ETS1: variants seen among roughly 807,000 people sequenced by gnomAD.
The protein encoded by ETS1 is protein C-ets-1.
A neutral mutation model predicts 58.6 loss-of-function variants in ETS1; 15 were observed. The ratio of observed to expected loss-of-function variants is 0.26; its 90% CI spans 0.17 to 0.39. The LOEUF (loss-of-function observed/expected upper bound fraction) is 0.39, where lower values mean the gene tolerates loss of function less well. Among genes scored for constraint, ETS1 ranks in the 10% least tolerant of loss-of-function variants. The pLI is 1.00. For synonymous variants in ETS1, 214 were observed against 218.2 expected (o/e 0.98, Z 0.17); for missense variants, 417 against 610.5 (o/e 0.68, Z 3.34).
intron 8 of ETS1, among the ~76,000 whole-genome samples, chr11:128,475,728 T>A (rs1394522038): frequency 6.6e-6 from 1 of 152,086 alleles, no homozygotes; most frequent in Non-Finnish European, 1.5e-5. Context: ...GTTTTTTGTA[T>A]TTTTAGTAGA....
chr11:128,527,346 G>A (rs924200253), intron 3 of ETS1: 2 of 173,862 alleles, frequency 1.2e-5, no homozygotes, highest in African/African-American at 2.4e-5. Flanking sequence ...CAGACCAAGC[G>A]ACATTTTAAA....
intron 6 of ETS1, among the ~76,000 whole-genome samples, chr11:128,485,687 G>A (rs889156462): frequency 1.3e-5 from 2 of 152,162 alleles, no homozygotes; most frequent in African/African-American, 4.8e-5. Context: ...AGGAAATGCT[G>A]TTATCTCCAC....
intron 1 of ETS1, among the ~76,000 whole-genome samples, chr11:128,584,978 GAAA>G (rs1565420715): frequency 3.7e-4 from 3 of 8,020 alleles, no homozygotes; most frequent in African/African-American, 7.9e-4. Context: ...AAGAAAGAAA[GAAA>G]GAAAGAAAGG....
At chr11:128,527,211 G>A (rs1209679499) in intron 3 of ETS1, 2 of 298,132 alleles carry the variant, frequency 6.7e-6, no homozygotes, top group African/African-American at 4.6e-5. Context: ...AGCTTGGCAT[G>A]GGCTGTCAGG....
rs756324283 is a variant in ETS1, at chr11:128,490,590, T to C, written c.215-14A>G. On this transcript the variant is annotated splice_polypyrimidine_tract_variant and intron_variant, in intron 3 of 9. Coordinates refer to ENST00000392668, the MANE Select transcript of ETS1 (RefSeq NM_001143820.2). ...CACATTCCATATCTGCATGAAAAAA[T>C]TGCATATGAATAACAAAAATTACAT... 1.2e-5 allele frequency: 19 copies of C among 1,602,896 alleles called. No homozygotes were observed. Among genetic ancestry groups the C allele is most frequent in the Admixed American group, 3.4e-5 (2 of 59,508 alleles).
At chr11:128,483,176 G>A (rs1224119741) in intron 7 of ETS1, among the ~76,000 whole-genome samples, 2 of 152,158 alleles carry the variant, frequency 1.3e-5, no homozygotes, top group Non-Finnish European at 1.5e-5. Flanking sequence ...GAAGAAGAGT[G>A]GAGCCAGAAA....
At chr11:128,513,361 A>G (rs1430886620) in intron 3 of ETS1, among the ~76,000 whole-genome samples, 2 of 152,232 alleles carry the variant, frequency 1.3e-5, no homozygotes, top group East Asian at 3.8e-4. Flanking sequence ...ACTGATGAAG[A>G]AAATGAGGTG....
chr11:128,538,826 C>T (rs1308356189), intron 3 of ETS1, among the ~76,000 whole-genome samples: 1 of 152,028 alleles, frequency 6.6e-6, no homozygotes, highest in Non-Finnish European at 1.5e-5. Flanking sequence ...CCTCAAAATA[C>T]TCATGCACTG....
chr11:128,462,670 A>G, intron 9 of ETS1, 94 bp from the exon 10 acceptor site: 1 of 856,958 alleles, frequency 1.2e-6, no homozygotes, highest in East Asian at 2.5e-5. Context: ...ATACCCATTC[A>G]TGGTGACCCA....
intron 7 of ETS1, among the ~76,000 whole-genome samples, chr11:128,480,726 A>G (rs898145708): frequency 1.3e-5 from 2 of 152,168 alleles, no homozygotes; most frequent in African/African-American, 4.8e-5. Flanking sequence ...CGTTGCTCAC[A>G]TCTGTCGGAG....
Position 128,462,573 on chromosome 11 carries a change from C to T in ETS1, c.1246G>A (p.Ala416Thr). The T allele has an allele frequency of 6.2e-7, 1 of 1,612,930 alleles. No homozygotes were observed. Residue 416 changes from alanine (A) to threonine (T), a missense_variant, in exon 10 of 10, where the codon GCC becomes ACC. Physicochemically the swap from Ala to Thr is moderately conservative, Grantham distance 58 (BLOSUM62 0). Around this residue, in one of 4 missense-constraint regions of ETS1, gnomAD observed 56 missense variants for 156.1 expected, o/e 0.36. Coordinates refer to ENST00000392668, the MANE Select transcript of ETS1 (RefSeq NM_001143820.2). ...TTTTTCCTCTTTCCCCATCTCCTGG[C>T]CACCTGAAATTTAAAAAGAAAAATA... Reference protein sequence around the residue: ...EFKLSDPDEVARRWGKRKNKP... With the variant: ...EFKLSDPDEVTRRWGKRKNKP...
At chr11:128,502,176 C>A (rs546496631) in intron 3 of ETS1, among the ~76,000 whole-genome samples, 6 of 152,330 alleles carry the variant, frequency 3.9e-5, no homozygotes, top group Non-Finnish European at 7.3e-5. Flanking sequence ...TGCACAGCTC[C>A]AACTGGACCC....
Position 128,459,449 on chromosome 11 carries a change from C to A in ETS1, c.*2912G>T, listed in dbSNP as rs1459196457. ...ATGCTACCTCCAATCCCCACAGCCACAAAAATCAGGGCTCTATGTAGGGGA... is the reference window on the plus strand; with the variant it reads ...ATGCTACCTCCAATCCCCACAGCCAAAAAAATCAGGGCTCTATGTAGGGGA... On this transcript the variant is annotated 3_prime_UTR_variant, in exon 10 of 10. Transcript: ENST00000392668. 6.5e-6 allele frequency: 1 copy of A among 152,760 alleles called. No individual in the cohort carries two copies. The highest frequency in any genetic ancestry group is 1.5e-5 in the Non-Finnish European group (1 of 68,050). The allele number at this position is 152,760 out of a possible 1,614,324, so 9.5% of individuals were successfully genotyped here.
intron 3 of ETS1, 28 bp from the exon 4 acceptor site, chr11:128,490,604 C>A: frequency 6.4e-7 from 1 of 1,563,358 alleles, no homozygotes; most frequent in Non-Finnish European, 8.8e-7. Context: ...ATATGAATAA[C>A]AAAAATTACA....
intron 1 of ETS1, among the ~76,000 whole-genome samples, chr11:128,578,910 T>C (rs1864807178): frequency 1.3e-5 from 2 of 152,238 alleles, no homozygotes; most frequent in African/African-American, 4.8e-5. Flanking sequence ...CAATTCTTTG[T>C]CATTATAAAA....
chr11:128,473,437 G>A (rs1184772848), intron 8 of ETS1, among the ~76,000 whole-genome samples: 1 of 152,194 alleles, frequency 6.6e-6, no homozygotes, highest in Admixed American at 6.5e-5. Context: ...ACAAGCCTAT[G>A]GTATAGAAAC....
At chr11:128,482,605 G>A (rs1209293369) in intron 7 of ETS1, among the ~76,000 whole-genome samples, 1 of 152,196 alleles carries the variant, frequency 6.6e-6, no homozygotes, top group Non-Finnish European at 1.5e-5. Context: ...CCTGTTGAGA[G>A]TTGTGGTTTA....
chr11:128,535,824 G>T (rs1239196670), intron 3 of ETS1, among the ~76,000 whole-genome samples: 3 of 152,172 alleles, frequency 2.0e-5, no homozygotes, highest in Non-Finnish European at 4.4e-5. Context: ...GATAGAAAGA[G>T]AAATTAAGAC....
chr11:128,522,427 T>C (rs564102496), intron 3 of ETS1: 1 of 872,658 alleles, frequency 1.1e-6, no homozygotes, highest in Non-Finnish European at 1.4e-6. Context: ...CGATGTCCGC[T>C]TGGGGGAGCG....
Sources: allele counts gnomAD v4.1 joint callset (sites outside exome capture counted in the v4.1 genomes callset), GRCh38; gene constraint gnomAD v4.1.1; regional missense constraint gnomAD v4.1.1; transcripts MANE v1.5; gene names NCBI Gene and HGNC (gene_info 2026-07-23, HGNC 2026-07-21).